MRTFB: variants seen among roughly 807,000 people sequenced by gnomAD.
MRTFB encodes the protein myocardin-related transcription factor B.
A neutral mutation model predicts 104.2 loss-of-function variants in MRTFB; 29 were observed. The ratio of observed to expected loss-of-function variants is 0.28; its 90% CI spans 0.21 to 0.38. MRTFB has a LOEUF of 0.38. Among genes scored for constraint, MRTFB ranks in the 10% least tolerant of loss-of-function variants. MRTFB has a pLI of 1.00. For synonymous variants in MRTFB, 535 were observed against 519.5 expected, an observed-to-expected ratio of 1.03 and a Z score of -0.41; for missense variants, 1,270 against 1,341.6, an observed-to-expected ratio of 0.95 and a Z score of 0.83.
chr16:14,032,830 T>G, the MRTFB span, among the ~76,000 whole-genome samples: 1 of 152,090 alleles, frequency 6.6e-6, no homozygotes, highest in African/African-American at 2.4e-5. Context: ...ACACTTTTGG[T>G]GTCAAAAGTG....
rs1170999652 is a variant in MRTFB, at chr16:14,171,621, C to G, written c.154+30861C>G. ...TCCCACATCACTGGGTTCCTTTAGC[C>G]TTTCCCCTTTATGTATTTGTAACTC... On this transcript the variant is annotated intron_variant, in intron 3 of 16. Transcript: ENST00000571589. Among the ~76,000 whole-genome samples, 3 of 152,148 alleles carry G rather than the reference C, an allele frequency of 2.0e-5. 1 individual carries two copies. In the South Asian group the frequency reaches 6.2e-4, roughly 32 times the overall value.
intron 8 of MRTFB, among the ~76,000 whole-genome samples, chr16:14,220,179 G>T (rs754003265): frequency 6.6e-6 from 1 of 152,196 alleles, no homozygotes; most frequent in East Asian, 1.9e-4. Context: ...GGCAGAAAGC[G>T]AGAGCAAGGG....
At chr16:14,234,024 TA>T in intron 8 of MRTFB, 121 bp from the exon 9 acceptor site, 2 of 1,206,780 alleles carry the variant, frequency 1.7e-6, no homozygotes, top group Non-Finnish European at 2.3e-6. Flanking sequence ...CATAATCATA[TA>T]TTTTTCCTTT....
the MRTFB span, among the ~76,000 whole-genome samples, chr16:14,017,299 G>A: frequency 1.7e-4 from 25 of 151,318 alleles, 1 homozygote; most frequent in Admixed American, 4.6e-4. Context: ...CTTGTGATCC[G>A]CCCCCCTCGG....
intron 2 of MRTFB, among the ~76,000 whole-genome samples, chr16:14,086,440 T>G (rs73513168): frequency 0.027 from 4,057 of 152,306 alleles, 193 homozygotes; most frequent in African/African-American, 0.093. Context: ...AATTTTTATT[T>G]GCACTTTAGT....
At chr16:14,082,447 A>T (rs1168488233) in intron 2 of MRTFB, among the ~76,000 whole-genome samples, 1 of 152,218 alleles carries the variant, frequency 6.6e-6, no homozygotes, top group Non-Finnish European at 1.5e-5. Flanking sequence ...ATAACTTCAT[A>T]GTACAATTTG....
intron 2 of MRTFB, among the ~76,000 whole-genome samples, chr16:14,090,085 T>C (rs970169282): frequency 6.6e-6 from 1 of 152,170 alleles, no homozygotes; most frequent in African/African-American, 2.4e-5. Flanking sequence ...TCTCTCCCAT[T>C]TTGTGATTGT....
At chr16:14,009,987 C>G in the MRTFB span, among the ~76,000 whole-genome samples, 1 of 152,140 alleles carries the variant, frequency 6.6e-6, no homozygotes, top group African/African-American at 2.4e-5. Context: ...TTTAGCAAAA[C>G]AGAAACCCTC....
intron 3 of MRTFB, among the ~76,000 whole-genome samples, chr16:14,194,606 A>G (rs1161668088): frequency 6.6e-6 from 1 of 152,188 alleles, no homozygotes; most frequent in Non-Finnish European, 1.5e-5. Flanking sequence ...TTCTTATAAA[A>G]TAGAGATAGT....
chr16:14,091,414 A>G (rs548128079), intron 2 of MRTFB, among the ~76,000 whole-genome samples: 1 of 152,318 alleles, frequency 6.6e-6, no homozygotes, highest in South Asian at 2.1e-4. Context: ...GTGGTACATC[A>G]TCACAGGGCA....
chr16:14,001,357 TA>T, the MRTFB span, among the ~76,000 whole-genome samples: 1 of 152,144 alleles, frequency 6.6e-6, no homozygotes, highest in Admixed American at 6.5e-5. Context: ...TCATAGGGGA[TA>T]CAGGGGTTCT....
intron 2 of MRTFB, among the ~76,000 whole-genome samples, chr16:14,137,263 T>G (rs934660464): frequency 2.0e-5 from 3 of 152,154 alleles, no homozygotes; most frequent in Non-Finnish European, 2.9e-5. Context: ...AAGTTAAAAT[T>G]TTTTGAAAAC....
At chr16:14,081,749 T>C (rs1311162586) in intron 2 of MRTFB, among the ~76,000 whole-genome samples, 1 of 151,796 alleles carries the variant, frequency 6.6e-6, no homozygotes, top group Non-Finnish European at 1.5e-5. Flanking sequence ...TCTGCCAAAT[T>C]TTTTGTATTT....
chr16:13,998,571 A>G, the MRTFB span, among the ~76,000 whole-genome samples: 1 of 151,924 alleles, frequency 6.6e-6, no homozygotes, highest in African/African-American at 2.4e-5. Context: ...ACTTGAACCC[A>G]GGAGTTTGAG....
the MRTFB span, among the ~76,000 whole-genome samples, chr16:14,041,365 G>T: frequency 6.6e-6 from 1 of 152,194 alleles, no homozygotes; most frequent in Admixed American, 6.5e-5. Flanking sequence ...CCTAGCCCCC[G>T]GCAACCGCAA....
intron 2 of MRTFB, among the ~76,000 whole-genome samples, chr16:14,100,360 A>C (rs1267119014): frequency 6.6e-6 from 1 of 152,228 alleles, no homozygotes; most frequent in Non-Finnish European, 1.5e-5. Flanking sequence ...TGAGATAATC[A>C]TATGGTTGTT....
chr16:14,261,468 G>A lies in MRTFB; in HGVS notation c.*24G>A. ...AACGTCACAGATTTCTTTTCTGAGA[G>A]TTGATGAGGTTTAAGAACATGAAGA... is the stretch of plus-strand genomic sequence containing the variant. On this transcript the variant is annotated 3_prime_UTR_variant, in exon 17 of 17. Transcript: ENST00000571589. The A allele has an allele frequency of 6.4e-7, 1 of 1,560,754 alleles. No individual in the cohort carries two copies. Among genetic ancestry groups the A allele is most frequent in the Non-Finnish European group, 8.7e-7 (1 of 1,150,990 alleles).
At chr16:14,243,879 A>ATTTTT in intron 10 of MRTFB, among the ~76,000 whole-genome samples, 1 of 93,408 alleles carries the variant, frequency 1.1e-5, no homozygotes, top group African/African-American at 1.3e-4. Context: ...TTTTTTTTTG[A>ATTTTT]GACAGAGTCT....
chr16:14,008,299 TTCC>T, the MRTFB span, among the ~76,000 whole-genome samples: 1 of 152,254 alleles, frequency 6.6e-6, no homozygotes, highest in African/African-American at 2.4e-5. Flanking sequence ...TCATGAAGAT[TTCC>T]TCCTATGTTT....
Sources: allele counts gnomAD v4.1 joint callset (sites outside exome capture counted in the v4.1 genomes callset), GRCh38; gene constraint gnomAD v4.1.1; transcripts MANE v1.5; gene names NCBI Gene and HGNC (gene_info 2026-07-23, HGNC 2026-07-21).